PLXDC1: variants seen among roughly 807,000 people sequenced by gnomAD.
PLXDC1 encodes the protein plexin domain containing 1, also known as plexin domain-containing protein 1.
PLXDC1 carries 39 observed loss-of-function variants against 61.3 expected under a neutral mutation model. That is an observed-to-expected ratio of 0.64 (90% CI 0.49 to 0.83). The LOEUF (loss-of-function observed/expected upper bound fraction) is 0.83. Ranked by LOEUF, PLXDC1 falls within the 40% of genes least tolerant of loss-of-function variation. PLXDC1 has a pLI of 0.00. For missense variants in PLXDC1, 596 were observed against 666.5 expected (o/e 0.89, Z 1.17); for synonymous variants, 212 against 254.5 (o/e 0.83, Z 1.59).
intron 7 of PLXDC1, among the ~76,000 whole-genome samples, chr17:39,104,713 G>A (rs1174090631): frequency 1.3e-5 from 2 of 152,136 alleles, no homozygotes; most frequent in South Asian, 2.1e-4. Flanking sequence ...GAACCTGGGA[G>A]GTGGAGGCTG....
intron 13 of PLXDC1, among the ~76,000 whole-genome samples, chr17:39,068,917 G>A (rs1266895804): frequency 4.6e-5 from 7 of 152,162 alleles, no homozygotes; most frequent in East Asian, 1.9e-4. Flanking sequence ...TGGGGAACTC[G>A]TAAGAAGCCA....
At chr17:39,151,868 G>T (rs2045376052), upstream of PLXDC1, among the ~76,000 whole-genome samples, 1 of 152,144 alleles carries the variant, frequency 6.6e-6, no homozygotes, top group African/African-American at 2.4e-5. The surrounding 1 kb of genome is among the most constrained non-coding windows in gnomAD (Gnocchi z 5.2). Flanking sequence ...GCCGCCCCGC[G>T]CTCCTCACTG....
At chr17:39,109,169 A>G in intron 3 of PLXDC1, 79 bp downstream of exon 3, 8 of 1,521,826 alleles carry the variant, frequency 5.3e-6, no homozygotes, top group Non-Finnish European at 5.3e-6. Context: ...GGCCACAGCC[A>G]TGCCCACTGA....
At chr17:39,125,541 C>T (rs545006551) in intron 2 of PLXDC1, among the ~76,000 whole-genome samples, 1 of 152,308 alleles carries the variant, frequency 6.6e-6, no homozygotes, top group South Asian at 2.1e-4. Context: ...ACCATATAGC[C>T]ACAGAGAATT....
rs548997210 is a variant in PLXDC1, at chr17:39,084,092, C to T, written c.908-552G>A. Among the ~76,000 whole-genome samples the T allele has an allele frequency of 6.6e-4, 100 of 152,262 alleles. 2 individuals are homozygous for T. The South Asian group carries it at 0.02, about 31-fold the overall frequency. ...AGAACTGTCACGAGGTCTATGACGG[C>T]AAATCACAAGGTGCTGTAAGTGTGT... On this transcript the variant is annotated intron_variant, in intron 8 of 13. Transcript: ENST00000315392.
At chr17:39,090,330 T>G (rs1909898703) in intron 7 of PLXDC1, among the ~76,000 whole-genome samples, 1 of 142,662 alleles carries the variant, frequency 7.0e-6, no homozygotes, top group Non-Finnish European at 1.6e-5. Flanking sequence ...CTGAGCAGCA[T>G]CTACATCCCT....
chr17:39,145,105 A>C (rs1160791898), intron 1 of PLXDC1, among the ~76,000 whole-genome samples: 2 of 152,068 alleles, frequency 1.3e-5, no homozygotes, highest in Admixed American at 6.5e-5. Context: ...GAACCACAGA[A>C]AGTGCAGTAA....
At chr17:39,124,091 G>A (rs182276651) in intron 2 of PLXDC1, among the ~76,000 whole-genome samples, 7 of 152,214 alleles carry the variant, frequency 4.6e-5, no homozygotes, top group African/African-American at 1.4e-4. Flanking sequence ...TTTTCCAAGA[G>A]CACCCCTGGG....
chr17:39,128,165 A>ATATATATGTGTGTATG, intron 2 of PLXDC1, among the ~76,000 whole-genome samples: 1 of 99,146 alleles, frequency 1.0e-5, no homozygotes, highest in Non-Finnish European at 1.9e-5. Context: ...ATATATATGT[A>ATATATATGTGTGTATG]TATATATGTA....
intron 1 of PLXDC1, among the ~76,000 whole-genome samples, chr17:39,144,045 C>T (rs1374919235): frequency 6.6e-6 from 1 of 152,156 alleles, no homozygotes; most frequent in South Asian, 2.1e-4. Flanking sequence ...GCTCAGCGGC[C>T]CAGAGAGGAG....
upstream of PLXDC1, among the ~76,000 whole-genome samples, chr17:39,151,991 G>C (rs2045376922): frequency 6.6e-6 from 1 of 152,088 alleles, no homozygotes; most frequent in Non-Finnish European, 1.5e-5. This position sits in a 1 kb window ranked among gnomAD's most constrained non-coding sequence, Gnocchi z 5.2. Flanking sequence ...ACGGGCCCCT[G>C]ACTGTTCCCC....
chr17:39,077,813 A>G lies in PLXDC1; in HGVS notation c.1186+100T>C, dbSNP rs1391513880. 30 of 1,164,052 alleles carry G rather than the reference A, an allele frequency of 2.6e-5. No homozygotes were observed. In the Admixed American group the frequency reaches 6.0e-4, roughly 23 times the overall value. The allele number at this position is 1,164,052 out of a possible 1,614,324, so 72.1% of individuals were successfully genotyped here. ...AAAAGGATGGGGCAGTTCCCATCCCATGAGATCATCCCTGTCAGGGACAGA... is the reference window on the plus strand; with the variant it reads ...AAAAGGATGGGGCAGTTCCCATCCCGTGAGATCATCCCTGTCAGGGACAGA... On this transcript the variant is annotated intron_variant, in intron 11 of 13. Coordinates refer to ENST00000315392, the MANE Select transcript of PLXDC1 (RefSeq NM_020405.5).
At chr17:39,092,414 G>A (rs535555432) in intron 7 of PLXDC1, among the ~76,000 whole-genome samples, 53 of 152,240 alleles carry the variant, frequency 3.5e-4, no homozygotes, top group Admixed American at 5.2e-4. Flanking sequence ...TTAAGTAGAC[G>A]GAAAACATCT....
At chr17:39,107,620 G>T (rs750609090) in intron 5 of PLXDC1, 95 bp from the exon 6 acceptor site, 12 of 893,922 alleles carry the variant, frequency 1.3e-5, no homozygotes, top group Non-Finnish European at 1.9e-5. Context: ...CCACAGGTTG[G>T]GTCCCTTCGG....
chr17:39,112,170 G>C (rs1244222487), intron 2 of PLXDC1: 1 of 152,196 alleles, frequency 6.6e-6, no homozygotes, highest in Non-Finnish European at 1.5e-5. Context: ...CCGCCTCCCA[G>C]CCTGCTTCCT....
intron 2 of PLXDC1, 50 bp downstream of exon 2, chr17:39,139,604 A>G: frequency 6.8e-7 from 1 of 1,480,030 alleles, no homozygotes; most frequent in Non-Finnish European, 9.3e-7. Flanking sequence ...AGCTGGTGAG[A>G]CCTCCCCCAC....
intron 2 of PLXDC1, among the ~76,000 whole-genome samples, chr17:39,132,476 T>C (rs1911598244): frequency 6.6e-6 from 1 of 152,118 alleles, no homozygotes; most frequent in African/African-American, 2.4e-5. Context: ...CTGTTTCCAC[T>C]GTGATGTGGT....
At chr17:39,094,450 C>A (rs1008943915) in intron 7 of PLXDC1, among the ~76,000 whole-genome samples, 6 of 151,996 alleles carry the variant, frequency 3.9e-5, no homozygotes, top group Admixed American at 2.0e-4. Flanking sequence ...AAATGACGTC[C>A]CCTCCTTGAA....
chr17:39,120,883 A>G (rs1341473004), intron 2 of PLXDC1, among the ~76,000 whole-genome samples: 1 of 151,480 alleles, frequency 6.6e-6, no homozygotes, highest in Non-Finnish European at 1.5e-5. Flanking sequence ...TCAGCCTCCC[A>G]AGTATCTGGG....
Sources: allele counts gnomAD v4.1 joint callset (sites outside exome capture counted in the v4.1 genomes callset), GRCh38; gene constraint gnomAD v4.1.1; non-coding constraint Gnocchi (gnomAD v3.1); transcripts MANE v1.5; gene names NCBI Gene and HGNC (gene_info 2026-07-23, HGNC 2026-07-21).